CELF4: variants seen among roughly 807,000 people sequenced by gnomAD.
CELF4 encodes CUG-BP- and ETR-3-like factor 4.
In CELF4, 18 loss-of-function variants were observed where a neutral mutation model predicts 59.9. The observed-to-expected ratio is 0.30, with a 90% CI of 0.21 to 0.45. The LOEUF is 0.45. CELF4 is among the 20% of genes least tolerant of loss of function. CELF4 has a pLI of 1.00. For missense variants in CELF4, 456 were observed against 689.0 expected (o/e 0.66, Z 3.79); for synonymous variants, 261 against 267.1 (o/e 0.98, Z 0.22).
chr18:37,390,802 C>CGGAG (rs139992661), intron 2 of CELF4, among the ~76,000 whole-genome samples: 1,257 of 57,574 alleles, frequency 0.022, 27 homozygotes, highest in East Asian at 0.094. Flanking sequence ...GGTGATGGGG[C>CGGAG]GGGGAGGGGG....
chr18:37,350,001 C>T (rs1297790759), intron 2 of CELF4, among the ~76,000 whole-genome samples: 1 of 152,122 alleles, frequency 6.6e-6, no homozygotes, highest in Non-Finnish European at 1.5e-5. Context: ...TAAACACTGG[C>T]AGCCTCCAGG....
chr18:37,454,606 G>A (rs947389380), intron 2 of CELF4, among the ~76,000 whole-genome samples: 1 of 152,110 alleles, frequency 6.6e-6, no homozygotes, highest in East Asian at 1.9e-4. Flanking sequence ...GGACAACCAT[G>A]CTGATATGTG....
At chr18:37,446,083 C>A (rs1332187013) in intron 2 of CELF4, among the ~76,000 whole-genome samples, 1 of 152,204 alleles carries the variant, frequency 6.6e-6, no homozygotes, top group African/African-American at 2.4e-5. Flanking sequence ...CTCATGCTTG[C>A]GGTTGCTGCT....
At chr18:37,510,679 GTA>G (rs2099943223) in intron 1 of CELF4, among the ~76,000 whole-genome samples, 1 of 152,216 alleles carries the variant, frequency 6.6e-6, no homozygotes, top group African/African-American at 2.4e-5. Flanking sequence ...GTTTCTCCCT[GTA>G]GGATGGTCCA....
chr18:37,431,362 C>CTTTTTTTTTTTT (rs35971960), intron 2 of CELF4, among the ~76,000 whole-genome samples: 4 of 81,556 alleles, frequency 4.9e-5, no homozygotes, highest in East Asian at 4.1e-4. Flanking sequence ...CCTTTCTTTC[C>CTTTTTTTTTTTT]TTTTTTTTTT....
At chr18:37,432,117 C>G (rs1057246199) in intron 2 of CELF4, among the ~76,000 whole-genome samples, 7 of 152,252 alleles carry the variant, frequency 4.6e-5, no homozygotes, top group African/African-American at 1.7e-4. Flanking sequence ...CTGGTCCTCT[C>G]TTTGGATTCA....
chr18:37,562,077 T>C (rs2099986703), intron 1 of CELF4, among the ~76,000 whole-genome samples: 1 of 151,940 alleles, frequency 6.6e-6, no homozygotes, highest in Admixed American at 6.6e-5. Context: ...CTCCAGGGGG[T>C]AAATTTACCT....
chr18:37,438,581 G>A (rs2099701141), intron 2 of CELF4, among the ~76,000 whole-genome samples: 1 of 152,152 alleles, frequency 6.6e-6, no homozygotes. Flanking sequence ...TAGTGGTTCA[G>A]GGTCATGTTT....
At chr18:37,560,451 G>T (rs552155146) in intron 1 of CELF4, among the ~76,000 whole-genome samples, 60 of 152,178 alleles carry the variant, frequency 3.9e-4, no homozygotes, top group Middle Eastern at 3.4e-3. Flanking sequence ...GGTGATTGTT[G>T]CTTTGATATG....
chr18:37,385,728 T>C (rs1000051468), intron 2 of CELF4, among the ~76,000 whole-genome samples: 3 of 152,242 alleles, frequency 2.0e-5, no homozygotes, highest in African/African-American at 7.2e-5. Context: ...CCTACAGTTT[T>C]GTTTCTCTAG....
intron 1 of CELF4, among the ~76,000 whole-genome samples, chr18:37,550,376 A>G (rs2099982801): frequency 6.6e-6 from 1 of 152,156 alleles, no homozygotes; most frequent in South Asian, 2.1e-4. Flanking sequence ...AATAGAATGG[A>G]GGAGGAAAGC....
chr18:37,273,345 C>T, intron 6 of CELF4, 182 bp from the exon 7 acceptor site: 1 of 1,392,422 alleles, frequency 7.2e-7, no homozygotes, highest in Non-Finnish European at 9.3e-7. Flanking sequence ...TATTAGAGTC[C>T]ACCACCCTGA....
At chr18:37,302,435 C>A (rs2096117539) in intron 3 of CELF4, among the ~76,000 whole-genome samples, 1 of 152,218 alleles carries the variant, frequency 6.6e-6, no homozygotes, top group South Asian at 2.1e-4. Context: ...AATTATCGCC[C>A]CCAACATCAG....
intron 2 of CELF4, among the ~76,000 whole-genome samples, chr18:37,374,685 G>A (rs925008675): frequency 2.0e-5 from 3 of 152,174 alleles, no homozygotes; most frequent in African/African-American, 7.2e-5. Context: ...AAAAGCCTTA[G>A]GAAGACCATC....
chr18:37,295,711 T>C (rs1171267362), intron 3 of CELF4, among the ~76,000 whole-genome samples: 1 of 152,244 alleles, frequency 6.6e-6, no homozygotes, highest in Non-Finnish European at 1.5e-5. Context: ...ATATGATCTG[T>C]ACTTCACATC....
At chr18:37,439,923 A>G (rs1050337150) in intron 2 of CELF4, among the ~76,000 whole-genome samples, 9 of 152,188 alleles carry the variant, frequency 5.9e-5, no homozygotes, top group Non-Finnish European at 1.5e-5. Context: ...TAGGAGGTAG[A>G]CATGAACACT....
intron 2 of CELF4, among the ~76,000 whole-genome samples, chr18:37,461,943 T>C (rs1055509753): frequency 3.3e-5 from 5 of 152,064 alleles, no homozygotes; most frequent in African/African-American, 7.2e-5. Flanking sequence ...CAAGGCATGA[T>C]TGGGGGAAAA....
In CELF4 at chr18:37,353,233, A is replaced by T. The variant is rs147405040; in HGVS notation, c.370-31352T>A. On this transcript the variant is annotated intron_variant, in intron 2 of 12. Transcript: ENST00000420428. ...GAGACTCCGTCTCAAAAAAAAAAAA[A>T]ATATATATATATATATACATAAAAG... is the stretch of plus-strand genomic sequence containing the variant. 5.9e-3 allele frequency among the ~76,000 whole-genome samples: 628 copies of T among 106,966 alleles called. 10 individuals are homozygous for T. Among genetic ancestry groups the T allele is most frequent in the African/African-American group, 0.013 (374 of 28,162 alleles). The allele number at this position is 106,966 out of a possible 152,430, so 70.2% of individuals were successfully genotyped here. A position where few individuals can be genotyped will look rare whatever the true frequency, so the allele number is the denominator to read the frequency against.
At chr18:37,261,237 A>AG (rs2074193572) in intron 10 of CELF4, among the ~76,000 whole-genome samples, 1 of 63,970 alleles carries the variant, frequency 1.6e-5, no homozygotes, top group South Asian at 5.5e-4. Flanking sequence ...AGCCCCCTCC[A>AG]GCCCCCCCCA....
Sources: gnomAD v4.1 joint callset for allele counts (sites outside exome capture counted in the v4.1 genomes callset) on GRCh38, gnomAD v4.1.1 for gene constraint, MANE v1.5 for transcripts, NCBI Gene and HGNC (gene_info 2026-07-23, HGNC 2026-07-21) for gene names.